The following KLHL29 variants were observed in gnomAD, a reference collection of about 807,000 sequenced individuals.
The protein encoded by KLHL29 is kelch-like protein 29.
KLHL29 carries 21 observed loss-of-function variants against 80.4 expected under a neutral mutation model. The ratio of observed to expected loss-of-function variants is 0.26; its 90% CI spans 0.19 to 0.38. KLHL29 has a LOEUF of 0.38. Ranked by LOEUF, KLHL29 falls within the 10% of genes least tolerant of loss-of-function variation. KLHL29 has a pLI of 1.00. For synonymous variants in KLHL29, 511 were observed against 526.8 expected (o/e 0.97, Z 0.41); for missense variants, 867 against 1,223.9 (o/e 0.71, Z 4.35).
chr2:23,551,827 A>G (rs1667138412), intron 2 of KLHL29, among the ~76,000 whole-genome samples: 1 of 152,102 alleles, frequency 6.6e-6, no homozygotes, highest in Non-Finnish European at 1.5e-5. Flanking sequence ...GTCCCAGGGC[A>G]AGGCCCAAGA....
chr2:23,509,529 G>A lies in KLHL29; in HGVS notation c.-46+33862G>A, dbSNP rs931276504. ...AGGTCATTACAGTCAATAAGGGGGA[G>A]AAGAAATATCTCTTTAGGAGGCCTT... On this transcript the variant is annotated intron_variant, in intron 2 of 13. Transcript: ENST00000486442. 3.3e-5 allele frequency among the ~76,000 whole-genome samples: 5 copies of A among 152,048 alleles called. No homozygotes were observed. The East Asian group carries it at 7.7e-4, about 23-fold the overall frequency.
intron 2 of KLHL29, among the ~76,000 whole-genome samples, chr2:23,544,165 G>A (rs781461828): frequency 7.2e-5 from 11 of 152,186 alleles, no homozygotes; most frequent in African/African-American, 9.6e-5. Context: ...CTGAGTCCAG[G>A]ATCTTGCCCG....
chr2:23,458,556 T>A (rs1664124696), intron 1 of KLHL29, among the ~76,000 whole-genome samples: 1 of 152,190 alleles, frequency 6.6e-6, no homozygotes, highest in East Asian at 1.9e-4. Context: ...ATTAATCATA[T>A]AATCACAAAC....
chr2:23,609,817 GAC>G (rs1382763803), intron 3 of KLHL29, among the ~76,000 whole-genome samples: 2 of 152,242 alleles, frequency 1.3e-5, no homozygotes, highest in East Asian at 3.9e-4. Flanking sequence ...AGGAAACCCA[GAC>G]ACAAAGAGAT....
chr2:23,410,972 C>T (rs1666846040), intron 1 of KLHL29, among the ~76,000 whole-genome samples: 1 of 152,148 alleles, frequency 6.6e-6, no homozygotes, highest in Non-Finnish European at 1.5e-5. Context: ...CCTCCCCCAG[C>T]CCCTCATTTC....
intron 2 of KLHL29, among the ~76,000 whole-genome samples, chr2:23,494,813 C>T (rs1317063489): frequency 3.3e-5 from 5 of 152,174 alleles, no homozygotes; most frequent in African/African-American, 4.8e-5. Flanking sequence ...CCCTGCTTTC[C>T]GGGCTCCTTC....
At chr2:23,531,173 A>C (rs1666479078) in intron 2 of KLHL29, among the ~76,000 whole-genome samples, 1 of 152,228 alleles carries the variant, frequency 6.6e-6, no homozygotes. Context: ...ACCTGTACAG[A>C]CAAGTTTCAA....
chr2:23,572,160 G>A (rs1012538825), intron 3 of KLHL29, among the ~76,000 whole-genome samples: 2 of 152,206 alleles, frequency 1.3e-5, no homozygotes, highest in Admixed American at 6.5e-5. Context: ...ACACTGGTAC[G>A]TGAGCCAGGA....
chr2:23,687,505 A>C (rs111313762), intron 6 of KLHL29, among the ~76,000 whole-genome samples: 2,040 of 152,294 alleles, frequency 0.013, 21 homozygotes, highest in Middle Eastern at 0.031. Flanking sequence ...GTCACTCAGC[A>C]AACACACAGG....
intron 2 of KLHL29, among the ~76,000 whole-genome samples, chr2:23,505,672 C>G (rs1301353163): frequency 6.6e-6 from 1 of 152,218 alleles, no homozygotes; most frequent in Non-Finnish European, 1.5e-5. Flanking sequence ...TGGAGAGCCA[C>G]CTACAGAAAG....
intron 3 of KLHL29, among the ~76,000 whole-genome samples, chr2:23,634,192 A>G (rs750290765): frequency 6.6e-6 from 1 of 152,124 alleles, no homozygotes; most frequent in Non-Finnish European, 1.5e-5. Flanking sequence ...CAGCCCCGCC[A>G]GCCCTGTCTG....
chr2:23,395,340 C>G (rs1666424052), intron 1 of KLHL29, among the ~76,000 whole-genome samples: 1 of 152,196 alleles, frequency 6.6e-6, no homozygotes, highest in Non-Finnish European at 1.5e-5. Flanking sequence ...GTCTCTCCAT[C>G]ACAGTAGAGA....
intron 2 of KLHL29, among the ~76,000 whole-genome samples, chr2:23,552,654 T>A (rs1338983863): frequency 6.6e-6 from 1 of 151,926 alleles, no homozygotes; most frequent in African/African-American, 2.4e-5. Context: ...CTTCTTTAAA[T>A]ATAAAGACAA....
chr2:23,420,256 T>C (rs990979907), intron 1 of KLHL29, among the ~76,000 whole-genome samples: 7 of 152,166 alleles, frequency 4.6e-5, no homozygotes, highest in African/African-American at 1.7e-4. Flanking sequence ...CTCGCCCACC[T>C]TGTGGCCGTC....
rs1035204972 is a variant in KLHL29, at chr2:23,640,021, A to T, written c.427+741A>T. Among the ~76,000 whole-genome samples the T allele has an allele frequency of 2.8e-4, 43 of 152,004 alleles. 1 individual carries two copies. The highest frequency in any genetic ancestry group is 5.7e-4 in the Non-Finnish European group (39 of 68,002). On this transcript the variant is annotated intron_variant, in intron 4 of 13. Coordinates refer to ENST00000486442, the MANE Select transcript of KLHL29 (RefSeq NM_052920.2). Reference sequence around the variant, plus strand: ...CTGCCCGGCACATGCTTCCTTCAGCACCTCTGGTCTCATCACTCCTCAGCT... The same window carrying T: ...CTGCCCGGCACATGCTTCCTTCAGCTCCTCTGGTCTCATCACTCCTCAGCT...
chr2:23,484,345 GGCCACCCTTGATGTGTT>G (rs1240453670), intron 2 of KLHL29, among the ~76,000 whole-genome samples: 1 of 152,164 alleles, frequency 6.6e-6, no homozygotes, highest in Non-Finnish European at 1.5e-5. Flanking sequence ...AGTCCTCACG[GGCCACCCTTGATGTGTT>G]GCAACTCATT....
intron 5 of KLHL29, among the ~76,000 whole-genome samples, chr2:23,683,803 G>A (rs753574824): frequency 6.6e-6 from 1 of 152,152 alleles, no homozygotes; most frequent in African/African-American, 2.4e-5. Flanking sequence ...TTCCCGAAAA[G>A]TCCCCACAAG....
chr2:23,461,633 G>A (rs892379415), intron 1 of KLHL29, among the ~76,000 whole-genome samples: 10 of 150,570 alleles, frequency 6.6e-5, no homozygotes, highest in African/African-American at 2.2e-4. Context: ...GTATCCATAC[G>A]TGACCCCTCT....
chr2:23,636,839 C>T (rs911116486), intron 3 of KLHL29, among the ~76,000 whole-genome samples: 2 of 152,180 alleles, frequency 1.3e-5, no homozygotes, highest in South Asian at 2.1e-4. Flanking sequence ...GAAGTTTTAG[C>T]GCTCAGAACA....
Sources: allele counts gnomAD v4.1 joint callset (sites outside exome capture counted in the v4.1 genomes callset), GRCh38; gene constraint gnomAD v4.1.1; transcripts MANE v1.5; gene names NCBI Gene and HGNC (gene_info 2026-07-23, HGNC 2026-07-21).